Variants in CCDC30 observed in about 807,000 individuals in gnomAD.
The protein encoded by CCDC30 is coiled-coil domain containing 30.
CCDC30 carries 70 observed loss-of-function variants against 100.2 expected under a neutral mutation model. The observed-to-expected ratio is 0.70, with a 90% CI of 0.58 to 0.85. The LOEUF is 0.85. Ranked by LOEUF, CCDC30 falls within the 40% of genes least tolerant of loss-of-function variation. The pLI is 0.00. For synonymous variants in CCDC30, 233 were observed against 269.5 expected (o/e 0.86, Z 1.33); for missense variants, 652 against 771.2 (o/e 0.85, Z 1.83).
chr1:42,606,975 A>G (rs1056648827), intron 10 of CCDC30, among the ~76,000 whole-genome samples: 1 of 152,240 alleles, frequency 6.6e-6, no homozygotes, highest in Non-Finnish European at 1.5e-5. Context: ...CTTTTTATCC[A>G]TATTGAAAAT....
intron 6 of CCDC30, among the ~76,000 whole-genome samples, chr1:42,545,199 A>G (rs1302927171): frequency 2.1e-5 from 3 of 141,630 alleles, no homozygotes; most frequent in Admixed American, 7.0e-5. Flanking sequence ...GGGAATTTAC[A>G]TACCCTTATG....
At chr1:42,520,723 C>G (rs1644627607) in intron 6 of CCDC30, among the ~76,000 whole-genome samples, 1 of 142,596 alleles carries the variant, frequency 7.0e-6, no homozygotes, top group African/African-American at 2.6e-5. Flanking sequence ...TTACTGCAGG[C>G]TCTGCCTCCT....
intron 7 of CCDC30, among the ~76,000 whole-genome samples, chr1:42,575,585 G>A (rs749134697): frequency 2.2e-5 from 3 of 138,410 alleles, no homozygotes; most frequent in Non-Finnish European, 4.5e-5. Flanking sequence ...GGGAGGCAGA[G>A]CTTGCAGTGA....
intron 12 of CCDC30, among the ~76,000 whole-genome samples, chr1:42,642,083 G>A (rs538779074): frequency 1.4e-4 from 22 of 152,002 alleles, no homozygotes; most frequent in East Asian, 3.9e-4. Context: ...AAACTTAGCC[G>A]GGCGTAGTGG....
downstream of CCDC30, among the ~76,000 whole-genome samples, chr1:42,656,354 G>C (rs1648657039): frequency 6.6e-6 from 1 of 152,220 alleles, no homozygotes; most frequent in Admixed American, 6.5e-5. Context: ...TGCCTGACCA[G>C]GTGCGGTGGC....
At chr1:42,548,667 A>T (rs773966436) in intron 6 of CCDC30, among the ~76,000 whole-genome samples, 1 of 152,168 alleles carries the variant, frequency 6.6e-6, no homozygotes, top group Non-Finnish European at 1.5e-5. Flanking sequence ...TCATGCAATT[A>T]GTTGACAAAA....
intron 6 of CCDC30, among the ~76,000 whole-genome samples, chr1:42,535,889 G>C (rs1313980555): frequency 6.7e-6 from 1 of 148,332 alleles, no homozygotes; most frequent in East Asian, 2.0e-4. Flanking sequence ...CTTTGGCAAG[G>C]CTGAATAGAG....
chr1:42,594,847 C>T (rs1184556269), intron 10 of CCDC30: 2 of 152,220 alleles, frequency 1.3e-5, no homozygotes, highest in East Asian at 3.9e-4. Context: ...GAAGCCACTC[C>T]CAATTTCATC....
At chr1:42,499,021 A>T in intron 6 of CCDC30, 105 bp downstream of exon 6, 1 of 513,202 alleles carries the variant, frequency 1.9e-6, no homozygotes, top group Admixed American at 4.4e-5. Context: ...ACTCTTTCTT[A>T]TTGGGCTGTC....
At chr1:42,456,293 G>T in the CCDC30 span, 2 of 594,552 alleles carry the variant, frequency 3.4e-6, no homozygotes, top group African/African-American at 3.7e-5. Context: ...AACATGGCCA[G>T]TTCTTCACCC....
At chr1:42,561,452 A>G (rs371580751) in intron 6 of CCDC30, among the ~76,000 whole-genome samples, 5 of 152,354 alleles carry the variant, frequency 3.3e-5, no homozygotes, top group African/African-American at 1.2e-4. Context: ...GATGGAACAT[A>G]TCTCAAAATA....
At chr1:42,544,075 C>T (rs1189753886) in intron 6 of CCDC30, among the ~76,000 whole-genome samples, 1 of 152,022 alleles carries the variant, frequency 6.6e-6, no homozygotes, top group Admixed American at 6.6e-5. Flanking sequence ...TATTTGGGTA[C>T]AGACACGGGG....
intron 11 of CCDC30, among the ~76,000 whole-genome samples, chr1:42,623,935 G>A (rs1183307958): frequency 6.6e-6 from 1 of 152,080 alleles, no homozygotes; most frequent in East Asian, 1.9e-4. Context: ...TTTCAGTATA[G>A]AGATCTTTCA....
chr1:42,608,542 T>C (rs60345918), intron 10 of CCDC30, among the ~76,000 whole-genome samples: 1,995 of 147,450 alleles, frequency 0.014, 41 homozygotes, highest in African/African-American at 0.049. Flanking sequence ...CTAGTAAAAA[T>C]ACAAAAAAAA....
intron 6 of CCDC30, 138 bp downstream of exon 9, chr1:42,545,717 C>T (rs1645115157): frequency 2.9e-6 from 2 of 693,646 alleles, no homozygotes; most frequent in Non-Finnish European, 4.5e-6. Context: ...GAGACTGAGG[C>T]AGGCAGATCG....
At chr1:42,503,266 G>A (rs972545221) in intron 6 of CCDC30, among the ~76,000 whole-genome samples, 2 of 152,176 alleles carry the variant, frequency 1.3e-5, no homozygotes, top group African/African-American at 4.8e-5. Context: ...AGAGACACAC[G>A]TGGGTGGGCT....
intron 6 of CCDC30, among the ~76,000 whole-genome samples, chr1:42,535,573 G>T (rs1171348035): frequency 2.7e-5 from 4 of 146,814 alleles, no homozygotes; most frequent in Non-Finnish European, 6.0e-5. Context: ...CAATGGAGAG[G>T]GGTCGGCCGG....
intron 8 of CCDC30, chr1:42,581,078 C>A (rs555108186): frequency 2.7e-6 from 1 of 372,388 alleles, no homozygotes; most frequent in Non-Finnish European, 5.1e-6. Flanking sequence ...GAGGCTCAAG[C>A]GATTCACCCA....
intron 1 of CCDC30, among the ~76,000 whole-genome samples, chr1:42,474,141 C>A (rs1223529289): frequency 6.6e-6 from 1 of 152,138 alleles, no homozygotes; most frequent in African/African-American, 2.4e-5. Context: ...AAAGGACAAT[C>A]CAATCTCCAA....
Sources: gnomAD v4.1 joint callset for allele counts (sites outside exome capture counted in the v4.1 genomes callset) on GRCh38, gnomAD v4.1.1 for gene constraint, MANE v1.5 for transcripts, NCBI Gene and HGNC (gene_info 2026-07-23, HGNC 2026-07-21) for gene names.